ENTREP2: variants seen among roughly 807,000 people sequenced by gnomAD.
ENTREP2 encodes the protein endosomal transmembrane epsin interactor 2.
the ENTREP2 span, among the ~76,000 whole-genome samples, chr15:29,224,852 A>T: frequency 2.3e-3 from 344 of 152,274 alleles, 1 homozygote; most frequent in African/African-American, 7.9e-3. Context: ...GGGGCGGTGC[A>T]CACTGGGGAG....
the ENTREP2 span, chr15:29,614,403 T>C: frequency 2.0e-5 from 3 of 152,592 alleles, no homozygotes; most frequent in Non-Finnish European, 4.4e-5. Context: ...CCCTTTCTTC[T>C]CCCTCAGTAG....
At chr15:29,567,929 G>A in the ENTREP2 span, among the ~76,000 whole-genome samples, 1 of 152,258 alleles carries the variant, frequency 6.6e-6, no homozygotes, top group South Asian at 2.1e-4. Context: ...AAGCCCCACA[G>A]TATGGATTTC....
chr15:29,263,794 T>C, the ENTREP2 span, among the ~76,000 whole-genome samples: 2 of 152,146 alleles, frequency 1.3e-5, no homozygotes, highest in Non-Finnish European at 2.9e-5. Flanking sequence ...CTGAATTCCA[T>C]TCTCCACCAA....
At chr15:29,545,985 T>C in the ENTREP2 span, among the ~76,000 whole-genome samples, 230 of 152,352 alleles carry the variant, frequency 1.5e-3, no homozygotes, top group Non-Finnish European at 2.6e-3. Flanking sequence ...ACTAGACATT[T>C]AAATTTCACA....
At chr15:29,478,011 ATATATATATT>A in the ENTREP2 span, among the ~76,000 whole-genome samples, 22 of 70,362 alleles carry the variant, frequency 3.1e-4, no homozygotes, top group African/African-American at 1.4e-3. Flanking sequence ...ATATATATAT[ATATATATATT>A]TTTTTTTTTT....
the ENTREP2 span, chr15:29,195,394 G>T: frequency 1.1e-6 from 1 of 908,738 alleles, no homozygotes. Flanking sequence ...ATCCGAGGTG[G>T]CTCTCTGCAG....
At chr15:29,363,014 T>C in the ENTREP2 span, among the ~76,000 whole-genome samples, 2 of 152,010 alleles carry the variant, frequency 1.3e-5, no homozygotes. Flanking sequence ...AGGTGGGAGG[T>C]TGGGATACTT....
At chr15:29,296,267 AG>A in the ENTREP2 span, among the ~76,000 whole-genome samples, 1,378 of 152,304 alleles carry the variant, frequency 9.0e-3, 19 homozygotes, top group African/African-American at 0.03. Flanking sequence ...GGCTTGGATG[AG>A]GGGGTAGCAG....
chr15:29,412,782 C>G, the ENTREP2 span, among the ~76,000 whole-genome samples: 1 of 151,904 alleles, frequency 6.6e-6, no homozygotes, highest in African/African-American at 2.4e-5. Context: ...TATGTTTATC[C>G]TCTTTATTGC....
At chr15:29,119,342 C>G in the ENTREP2 span, among the ~76,000 whole-genome samples, 1 of 10,336 alleles carries the variant, frequency 9.7e-5, no homozygotes, top group Admixed American at 1.9e-3. Flanking sequence ...AGTAAACTAT[C>G]GCAAGAACAA....
At chr15:29,278,666 A>G in the ENTREP2 span, among the ~76,000 whole-genome samples, 1 of 152,208 alleles carries the variant, frequency 6.6e-6, no homozygotes, top group East Asian at 1.9e-4. Context: ...TCCCAACAAC[A>G]TGACTCACAG....
At chr15:29,533,702 C>T in the ENTREP2 span, among the ~76,000 whole-genome samples, 1 of 152,044 alleles carries the variant, frequency 6.6e-6, no homozygotes, top group African/African-American at 2.4e-5. Context: ...GCCATCCTCA[C>T]CTTGGAATTT....
chr15:29,665,338 T>C, the ENTREP2 span, among the ~76,000 whole-genome samples: 50 of 152,224 alleles, frequency 3.3e-4, no homozygotes, highest in African/African-American at 1.0e-3. Flanking sequence ...ACTTGCAATA[T>C]AGGCAAAATG....
chr15:29,350,815 C>T, the ENTREP2 span, among the ~76,000 whole-genome samples: 2 of 152,024 alleles, frequency 1.3e-5, no homozygotes, highest in African/African-American at 4.8e-5. Context: ...TGGTGGCGTG[C>T]GCCTGTAATG....
chr15:29,451,830 G>T, the ENTREP2 span, among the ~76,000 whole-genome samples: 1 of 152,218 alleles, frequency 6.6e-6, no homozygotes, highest in African/African-American at 2.4e-5. Flanking sequence ...TGGAGGCAAC[G>T]CTCGGGGCAA....
the ENTREP2 span, among the ~76,000 whole-genome samples, chr15:29,472,616 C>T: frequency 6.6e-6 from 1 of 152,104 alleles, no homozygotes; most frequent in Non-Finnish European, 1.5e-5. Context: ...AGGCTCCCCC[C>T]ACCACGCCCA....
the ENTREP2 span, chr15:29,235,228 A>C: frequency 3.6e-6 from 2 of 552,848 alleles, no homozygotes; most frequent in Non-Finnish European, 6.6e-6. Flanking sequence ...TGATATCATT[A>C]TAGAACATTT....
At chr15:29,444,124 GA>G in the ENTREP2 span, among the ~76,000 whole-genome samples, 7,128 of 130,168 alleles carry the variant, frequency 0.055, 987 homozygotes, top group Non-Finnish European at 0.072. Flanking sequence ...AAGACAGACA[GA>G]AAGAAAGACA....
chr15:29,183,218 T>C, the ENTREP2 span, among the ~76,000 whole-genome samples: 2 of 152,176 alleles, frequency 1.3e-5, no homozygotes, highest in East Asian at 3.9e-4. Flanking sequence ...GGAAATCGTT[T>C]AGAGTAAAGA....
Sources: gnomAD v4.1 joint callset for allele counts (sites outside exome capture counted in the v4.1 genomes callset) on GRCh38, gnomAD v4.1.1 for gene constraint, MANE v1.5 for transcripts, NCBI Gene and HGNC (gene_info 2026-07-23, HGNC 2026-07-21) for gene names.